The following ADCY8 variants were observed in gnomAD, a reference collection of about 807,000 sequenced individuals.
ADCY8 encodes adenylate cyclase 8.
ADCY8 carries 51 observed loss-of-function variants against 119.7 expected under a neutral mutation model. The ratio of observed to expected loss-of-function variants is 0.43; its 90% CI spans 0.34 to 0.54. ADCY8 has a LOEUF of 0.54. Among genes scored for constraint, ADCY8 ranks in the 20% least tolerant of loss-of-function variants. ADCY8 has a pLI of 0.03. For missense variants in ADCY8, 1,383 were observed against 1,598.8 expected, an observed-to-expected ratio of 0.87 and a Z score of 2.30; for synonymous variants, 665 against 651.0, an observed-to-expected ratio of 1.02 and a Z score of -0.33.
chr8:130,968,422 C>T (rs965030049), intron 2 of ADCY8, among the ~76,000 whole-genome samples: 2 of 152,286 alleles, frequency 1.3e-5, no homozygotes, highest in Non-Finnish European at 2.9e-5. Flanking sequence ...CTGCCTGCCT[C>T]GGCCTCCCAA....
At chr8:130,976,756 TAAG>T (rs1822083883) in intron 2 of ADCY8, among the ~76,000 whole-genome samples, 1 of 152,204 alleles carries the variant, frequency 6.6e-6, no homozygotes, top group Non-Finnish European at 1.5e-5. Flanking sequence ...AAAATTCAAA[TAAG>T]AAGCCCTTTG....
chr8:130,826,923 G>A (rs1816685623), intron 12 of ADCY8, among the ~76,000 whole-genome samples: 1 of 152,010 alleles, frequency 6.6e-6, no homozygotes, highest in African/African-American at 2.4e-5. Flanking sequence ...CGTGGGGTGG[G>A]GGGTTGGGGG....
At chr8:130,831,800 G>T (rs1431626393) in intron 12 of ADCY8, among the ~76,000 whole-genome samples, 3 of 152,232 alleles carry the variant, frequency 2.0e-5, no homozygotes, top group Admixed American at 2.0e-4. Flanking sequence ...TAAGAGATCA[G>T]TTAGAGGACA....
chr8:131,026,232 C>T (rs868195496), intron 1 of ADCY8, among the ~76,000 whole-genome samples: 51 of 152,208 alleles, frequency 3.4e-4, no homozygotes, highest in African/African-American at 1.2e-3. Flanking sequence ...AGAAAAAAGG[C>T]CTCAGAGAGC....
chr8:130,863,176 T>C (rs906294545), intron 9 of ADCY8, among the ~76,000 whole-genome samples: 2 of 150,292 alleles, frequency 1.3e-5, no homozygotes, highest in Non-Finnish European at 3.0e-5. Flanking sequence ...AATGTTCATA[T>C]TGCTCGTTCT....
chr8:130,795,250 C>G (rs263233), intron 15 of ADCY8, among the ~76,000 whole-genome samples: 144,347 of 152,286 alleles, frequency 0.95, 68,445 homozygotes, highest in East Asian at 0.97. Context: ...ATCAGCAGAG[C>G]CTCCATGCGG....
chr8:131,013,985 T>G (rs1280870107), intron 1 of ADCY8, among the ~76,000 whole-genome samples: 1 of 152,176 alleles, frequency 6.6e-6, no homozygotes, highest in East Asian at 1.9e-4. Context: ...AATGGTTTGT[T>G]AAGTACAAAT....
At chr8:130,894,185 T>G (rs1329565916) in intron 7 of ADCY8, among the ~76,000 whole-genome samples, 2 of 152,160 alleles carry the variant, frequency 1.3e-5, no homozygotes, top group Non-Finnish European at 2.9e-5. Flanking sequence ...GAATCCAGCA[T>G]CTCTTACTTT....
intron 2 of ADCY8, among the ~76,000 whole-genome samples, chr8:130,969,448 TC>T (rs1821859359): frequency 6.6e-6 from 1 of 152,204 alleles, no homozygotes; most frequent in South Asian, 2.1e-4. Context: ...TGGCTCTGTT[TC>T]TCTGTGGAAC....
Position 131,040,230 on chromosome 8 carries a change from C to G in ADCY8, c.104G>C (p.Arg35Pro), listed in dbSNP as rs1218207885. Residue 35 changes from arginine to proline, a missense_variant, in exon 1 of 18, where the codon CGG becomes CCG. Physicochemically the swap from Arg to Pro is moderately radical, Grantham distance 103. Around this residue, in one of 2 missense-constraint regions of ADCY8, gnomAD observed 455 missense variants for 435.3 expected, o/e 1.05. Coordinates refer to ENST00000286355, the MANE Select transcript of ADCY8 (RefSeq NM_001115.3). Reference protein sequence around the residue: ...GDGRSASRPQRLLWQTAVRHI... With the variant: ...GDGRSASRPQPLLWQTAVRHI... ...TCGCACCGCCGTCTGCCACAGCAGCCGCTGCGGCCGGGAGGCGCTCCTGCC... is the reference window on the plus strand; with the variant it reads ...TCGCACCGCCGTCTGCCACAGCAGCGGCTGCGGCCGGGAGGCGCTCCTGCC... 3 of 1,542,238 alleles carry G rather than the reference C, an allele frequency of 1.9e-6. No homozygotes were observed. Among genetic ancestry groups the G allele is most frequent in the Non-Finnish European group, 2.6e-6 (3 of 1,150,492 alleles).
Position 130,951,882 on chromosome 8 carries a change from G to C in ADCY8, c.1227C>G (p.Arg409=). The C allele has an allele frequency of 6.2e-7, 1 of 1,614,064 alleles. No individual in the cohort carries two copies. The highest frequency in any genetic ancestry group is 8.5e-7 in the Non-Finnish European group (1 of 1,179,972). ...QHQFHRIYIH[R]YENVSILFAD... is the part of the protein sequence containing the mutation. ...GTGTTTCTCACCTGACGTTCTCATA[G>C]CGATGGATGTAGATCCGATGGAACT... Residue 409 remains arginine (R), a synonymous_variant, in exon 3 of 18, where the codon CGC becomes CGG. Transcript: ENST00000286355.
chr8:130,900,663 T>C (rs187111692), intron 7 of ADCY8, among the ~76,000 whole-genome samples: 10 of 152,350 alleles, frequency 6.6e-5, no homozygotes, highest in Admixed American at 5.9e-4. Flanking sequence ...TGACTGTTTC[T>C]TCTCTGTCTC....
intron 10 of ADCY8, among the ~76,000 whole-genome samples, 168 bp from the exon 11 acceptor site, chr8:130,847,681 A>G (rs1379740932): frequency 6.6e-6 from 1 of 152,186 alleles, no homozygotes; most frequent in African/African-American, 2.4e-5. Context: ...GAAGTGCCAA[A>G]GTGCCAGCTT....
chr8:130,975,377 A>T (rs1211468439), intron 2 of ADCY8, among the ~76,000 whole-genome samples: 2 of 152,204 alleles, frequency 1.3e-5, no homozygotes, highest in African/African-American at 4.8e-5. Flanking sequence ...CTGACATGTG[A>T]CAGGCTCTGA....
intron 11 of ADCY8, among the ~76,000 whole-genome samples, chr8:130,837,740 A>G (rs1817032800): frequency 6.6e-6 from 1 of 152,232 alleles, no homozygotes; most frequent in African/African-American, 2.4e-5. Context: ...AACTTGCATT[A>G]TCAAAGGCCC....
At chr8:130,852,771 G>A (rs1331755046) in intron 9 of ADCY8, among the ~76,000 whole-genome samples, 1 of 151,968 alleles carries the variant, frequency 6.6e-6, no homozygotes, top group Non-Finnish European at 1.5e-5. Flanking sequence ...CCATGGTCTG[G>A]ACAATGCTGA....
At chr8:130,866,165 T>G (rs1818114048) in intron 9 of ADCY8, among the ~76,000 whole-genome samples, 1 of 151,944 alleles carries the variant, frequency 6.6e-6, no homozygotes, top group Non-Finnish European at 1.5e-5. Context: ...GTCCATGAGG[T>G]TTTTGGTTTT....
At chr8:130,983,495 G>A (rs1243074878) in intron 2 of ADCY8, among the ~76,000 whole-genome samples, 2 of 152,150 alleles carry the variant, frequency 1.3e-5, no homozygotes, top group Non-Finnish European at 2.9e-5. Flanking sequence ...GAGACAGATA[G>A]GGAACGACCA....
At chr8:131,003,586 T>C (rs1229612170) in intron 1 of ADCY8, among the ~76,000 whole-genome samples, 1 of 152,174 alleles carries the variant, frequency 6.6e-6, no homozygotes, top group Non-Finnish European at 1.5e-5. Context: ...CCAGATCCTG[T>C]GCTTTAGCCT....
Sources: gnomAD v4.1 joint callset for allele counts (sites outside exome capture counted in the v4.1 genomes callset) on GRCh38, gnomAD v4.1.1 for gene constraint, gnomAD v4.1.1 regional missense constraint, MANE v1.5 for transcripts, NCBI Gene and HGNC (gene_info 2026-07-23, HGNC 2026-07-21) for gene names.